Variants in TMEM117 observed in about 807,000 individuals in gnomAD.
TMEM117 encodes the protein transmembrane protein 117.
In TMEM117, 27 loss-of-function variants were observed where a neutral mutation model predicts 52.4. That is an observed-to-expected ratio of 0.51 (90% CI 0.38 to 0.71). The LOEUF (loss-of-function observed/expected upper bound fraction) is 0.71, where lower values mean the gene tolerates loss of function less well. Among genes scored for constraint, TMEM117 ranks in the 30% least tolerant of loss-of-function variants. The pLI is 0.00. For synonymous variants in TMEM117, 215 were observed against 206.3 expected, an observed-to-expected ratio of 1.04 and a Z score of -0.36; for missense variants, 556 against 630.5, an observed-to-expected ratio of 0.88 and a Z score of 1.26.
intron 2 of TMEM117, among the ~76,000 whole-genome samples, chr12:43,931,288 T>G (rs1944867349): frequency 6.6e-6 from 1 of 152,228 alleles, no homozygotes. Context: ...AGCATCAAAC[T>G]ATTTCCAAGT....
chr12:44,108,148 C>T (rs1947994189), intron 3 of TMEM117, among the ~76,000 whole-genome samples: 1 of 151,744 alleles, frequency 6.6e-6, no homozygotes, highest in African/African-American at 2.4e-5. Flanking sequence ...GGATAGTTTA[C>T]TTCATCTCTT....
intron 3 of TMEM117, among the ~76,000 whole-genome samples, chr12:43,953,962 C>CCACA (rs1945265717): frequency 6.6e-6 from 1 of 152,144 alleles, no homozygotes; most frequent in Non-Finnish European, 1.5e-5. Context: ...GTCTCTCAGA[C>CCACA]CACAGTGAAA....
intron 6 of TMEM117, among the ~76,000 whole-genome samples, chr12:44,334,849 A>G (rs1009412524): frequency 2.6e-5 from 4 of 152,154 alleles, no homozygotes; most frequent in East Asian, 1.9e-4. Context: ...ATTCAGTTAT[A>G]TGCTCAACAC....
intron 2 of TMEM117, among the ~76,000 whole-genome samples, chr12:43,846,868 T>C (rs1175122763): frequency 6.6e-6 from 1 of 152,118 alleles, no homozygotes; most frequent in East Asian, 1.9e-4. Flanking sequence ...CACATACACG[T>C]AGTATTATGT....
intron 2 of TMEM117, among the ~76,000 whole-genome samples, chr12:43,915,460 A>C (rs1272523763): frequency 2.0e-5 from 3 of 152,294 alleles, no homozygotes; most frequent in Admixed American, 2.0e-4. Flanking sequence ...GACCTTGTCC[A>C]GTCCACACCC....
At chr12:44,170,396 A>G (rs1306801493) in intron 4 of TMEM117, among the ~76,000 whole-genome samples, 2 of 152,166 alleles carry the variant, frequency 1.3e-5, no homozygotes, top group African/African-American at 4.8e-5. Flanking sequence ...ATACATATGT[A>G]ACAAACCTGC....
intron 2 of TMEM117, among the ~76,000 whole-genome samples, chr12:43,929,115 T>C (rs1944831388): frequency 6.6e-6 from 1 of 152,008 alleles, no homozygotes; most frequent in Non-Finnish European, 1.5e-5. Flanking sequence ...TACCCAGTAA[T>C]GGGATGGCTG....
At chr12:44,243,875 G>C (rs1268627287) in intron 5 of TMEM117, among the ~76,000 whole-genome samples, 1 of 151,512 alleles carries the variant, frequency 6.6e-6, no homozygotes, top group Non-Finnish European at 1.5e-5. Context: ...GTGAGACCAT[G>C]CAGTACTTGT....
chr12:44,196,860 A>G (rs1279887632), intron 4 of TMEM117, among the ~76,000 whole-genome samples: 1 of 152,222 alleles, frequency 6.6e-6, no homozygotes, highest in Non-Finnish European at 1.5e-5. Flanking sequence ...TTAATCTTTC[A>G]AATTCTGAAA....
At chr12:43,874,250 C>T (rs975978120) in intron 2 of TMEM117, among the ~76,000 whole-genome samples, 4 of 152,012 alleles carry the variant, frequency 2.6e-5, no homozygotes, top group Admixed American at 2.6e-4. Context: ...AATTTGTCTC[C>T]TCATTTCATG....
chr12:43,925,277 T>A (rs1944760517), intron 2 of TMEM117, among the ~76,000 whole-genome samples: 1 of 149,648 alleles, frequency 6.7e-6, no homozygotes, highest in Non-Finnish European at 1.5e-5. Context: ...TCTTGTAGGC[T>A]GGCTACCACA....
Position 44,237,263 on chromosome 12 carries a change from A to G in TMEM117, c.608+25876A>G, listed in dbSNP as rs558901641. Among the ~76,000 whole-genome samples the G allele has an allele frequency of 4.5e-4, 69 of 152,220 alleles. No homozygotes were observed. In the South Asian group the frequency reaches 0.014, roughly 30 times the overall value. ...TTTTTCTTATTCTTTGAGATGTGAC[A>G]GACGTCATTTCTTCAGTAAAGGCTT... On this transcript the variant is annotated intron_variant, in intron 5 of 7. Transcript: ENST00000266534.
chr12:43,955,595 G>T (rs10880604), intron 3 of TMEM117, among the ~76,000 whole-genome samples: 118,761 of 152,064 alleles, frequency 0.78, 49,274 homozygotes, highest in Non-Finnish European at 0.91. Context: ...GGAAGTGAAG[G>T]ACCTCTTTAA....
chr12:43,983,482 CA>C (rs1236573910), intron 3 of TMEM117, among the ~76,000 whole-genome samples: 1 of 142,202 alleles, frequency 7.0e-6, no homozygotes, highest in Non-Finnish European at 1.5e-5. Flanking sequence ...TAGGTTGGTG[CA>C]AAAGTAATTG....
chr12:43,816,514 T>A, the TMEM117 span, among the ~76,000 whole-genome samples: 2 of 151,864 alleles, frequency 1.3e-5, no homozygotes, highest in African/African-American at 4.8e-5. Flanking sequence ...ATGACTTTAC[T>A]CACCTCCTGT....
chr12:44,242,603 G>C (rs1205624375), intron 5 of TMEM117, among the ~76,000 whole-genome samples: 1 of 150,172 alleles, frequency 6.7e-6, no homozygotes, highest in African/African-American at 2.4e-5. Flanking sequence ...GTTAACATTT[G>C]TGTGTATGTG....
At chr12:44,278,538 T>A (rs749206377) in intron 5 of TMEM117, among the ~76,000 whole-genome samples, 2 of 152,206 alleles carry the variant, frequency 1.3e-5, no homozygotes, top group Admixed American at 1.3e-4. Flanking sequence ...ACTGCAGCAG[T>A]CTACTTTCTG....
chr12:44,364,454 TA>T (rs1565759575), intron 6 of TMEM117, among the ~76,000 whole-genome samples: 7 of 152,138 alleles, frequency 4.6e-5, no homozygotes, highest in African/African-American at 1.2e-4. Context: ...ATTGCAGAGA[TA>T]TTATATGAAG....
intron 3 of TMEM117, among the ~76,000 whole-genome samples, chr12:44,034,506 G>A (rs746136922): frequency 2.0e-5 from 3 of 152,158 alleles, no homozygotes; most frequent in Non-Finnish European, 2.9e-5. Flanking sequence ...AATTAAGTCC[G>A]TGGTGATTAC....
Sources: allele counts gnomAD v4.1 joint callset (sites outside exome capture counted in the v4.1 genomes callset), GRCh38; gene constraint gnomAD v4.1.1; transcripts MANE v1.5; gene names NCBI Gene and HGNC (gene_info 2026-07-23, HGNC 2026-07-21).